The following BICC1 variants were observed in gnomAD, a reference collection of about 807,000 sequenced individuals.
BICC1 encodes the protein BicC family RNA binding protein 1, also known as protein bicaudal C homolog 1.
Under a neutral mutation model 111.0 loss-of-function variants are expected in BICC1, and 43 were observed. The ratio of observed to expected loss-of-function variants is 0.39; its 90% CI spans 0.30 to 0.50. The LOEUF is 0.50. Among genes scored for constraint, BICC1 ranks in the 20% least tolerant of loss-of-function variants. BICC1 has a pLI of 0.88. For missense variants in BICC1, 1,091 were observed against 1,203.2 expected (o/e 0.91, Z 1.38); for synonymous variants, 467 against 434.4 (o/e 1.07, Z -0.93).
intron 1 of BICC1, among the ~76,000 whole-genome samples, chr10:58,548,464 A>G (rs73300504): frequency 0.026 from 3,884 of 152,284 alleles, 176 homozygotes; most frequent in African/African-American, 0.089. Context: ...CACAGCCTGC[A>G]TTCCATCTTG....
chr10:58,687,994 G>C (rs1839793741), intron 2 of BICC1, among the ~76,000 whole-genome samples: 1 of 152,122 alleles, frequency 6.6e-6, no homozygotes, highest in Non-Finnish European at 1.5e-5. Flanking sequence ...CCTCCCCCGA[G>C]TGTTACAGCT....
In BICC1 at chr10:58,803,076, G is replaced by A. The variant is rs767676512; in HGVS notation, c.2016-1G>A. The A allele has an allele frequency of 4.4e-6, 7 of 1,589,792 alleles. No homozygotes were observed. In the Admixed American group the frequency reaches 1.1e-4, roughly 24 times the overall value. On this transcript the variant is annotated splice_acceptor_variant, in intron 14 of 20. Transcript: ENST00000373886. LOFTEE classifies it high-confidence loss of function. The stretch of plus-strand genomic sequence containing the variant: ...TTAAATTCCACACTCTTATTTCACA[G>A]CAGCACTGACAGGTTGCTCTCAGAC...
chr10:58,800,042 GT>G (rs1843489590), intron 12 of BICC1, 151 bp from the exon 13 acceptor site: 1 of 589,848 alleles, frequency 1.7e-6, no homozygotes, highest in Non-Finnish European at 3.0e-6. Context: ...GTGTTTTGTA[GT>G]TCTCCTTGTA....
chr10:58,757,045 A>G (rs1382867070), intron 3 of BICC1, among the ~76,000 whole-genome samples: 2 of 152,218 alleles, frequency 1.3e-5, no homozygotes, highest in African/African-American at 4.8e-5. Flanking sequence ...TACTCTAATA[A>G]CAAAGCCCTT....
At chr10:58,625,238 T>A (rs1025598646) in intron 2 of BICC1, among the ~76,000 whole-genome samples, 1 of 152,242 alleles carries the variant, frequency 6.6e-6, no homozygotes, top group Non-Finnish European at 1.5e-5. Context: ...GCTTACTCAC[T>A]GTCTGTCCTA....
chr10:58,735,271 G>A (rs1053775563), intron 3 of BICC1, among the ~76,000 whole-genome samples: 5 of 152,060 alleles, frequency 3.3e-5, no homozygotes, highest in Admixed American at 6.6e-5. Flanking sequence ...CACCATACTC[G>A]GGCTGTTTTT....
At chr10:58,667,956 A>C (rs1839068107) in intron 2 of BICC1, among the ~76,000 whole-genome samples, 1 of 152,136 alleles carries the variant, frequency 6.6e-6, no homozygotes, top group Non-Finnish European at 1.5e-5. Flanking sequence ...TGAAGTGTTC[A>C]TGGATACCAG....
intron 3 of BICC1, among the ~76,000 whole-genome samples, chr10:58,731,452 C>T (rs191000698): frequency 6.6e-6 from 1 of 152,344 alleles, no homozygotes; most frequent in Non-Finnish European, 1.5e-5. Context: ...GTTGCTTCCA[C>T]ATTTTCAGGT....
At chr10:58,575,500 A>C (rs951226773) in intron 1 of BICC1, among the ~76,000 whole-genome samples, 2 of 152,024 alleles carry the variant, frequency 1.3e-5, no homozygotes, top group Non-Finnish European at 2.9e-5. Flanking sequence ...TGATGCAGCC[A>C]GTTTTTATTT....
rs7091764 is a variant in BICC1 at position 58,542,157 on chromosome 10, A to G, written c.190+28824A>G. Among the ~76,000 whole-genome samples the G allele has an allele frequency of 6.9e-5, 10 of 145,642 alleles. No individual in the cohort carries two copies. The East Asian group carries it at 2.0e-3, about 28-fold the overall frequency. ...CAGAGCAAGACCCTGTCTCAAAAAA[A>G]AAAAAAAAACAAAAAAAAAAACCCA... On this transcript the variant is annotated intron_variant, in intron 1 of 20. Coordinates refer to ENST00000373886, the MANE Select transcript of BICC1 (RefSeq NM_001080512.3).
intron 8 of BICC1, 47 bp downstream of exon 8, chr10:58,789,980 A>AT: frequency 1.9e-6 from 3 of 1,593,074 alleles, no homozygotes; most frequent in Non-Finnish European, 2.6e-6. Context: ...ACCTCTTTGG[A>AT]TTCAGTGCAT....
chr10:58,790,287 A>G (rs1321687829), intron 8 of BICC1, among the ~76,000 whole-genome samples: 1 of 152,148 alleles, frequency 6.6e-6, no homozygotes, highest in Admixed American at 6.6e-5. Context: ...GGCAAAAAAA[A>G]AAAAAGTCCT....
intron 2 of BICC1, among the ~76,000 whole-genome samples, chr10:58,623,294 G>C (rs1055093602): frequency 1.1e-4 from 16 of 152,104 alleles, no homozygotes; most frequent in African/African-American, 3.9e-4. Context: ...TAAAGAGCTT[G>C]CATTTCAGTT....
At chr10:58,553,780 C>T (rs1252037671) in intron 1 of BICC1, among the ~76,000 whole-genome samples, 2 of 151,610 alleles carry the variant, frequency 1.3e-5, no homozygotes, top group Non-Finnish European at 2.9e-5. Flanking sequence ...TTTTAATGCT[C>T]ATTTTGTGTG....
chr10:58,806,064 A>ATCTC (rs1843699665), intron 15 of BICC1, among the ~76,000 whole-genome samples: 1 of 152,238 alleles, frequency 6.6e-6, no homozygotes, highest in Non-Finnish European at 1.5e-5. Context: ...TTTATCTCAC[A>ATCTC]TCTCACTTCA....
At chr10:58,542,187 T>C (rs1843008084) in intron 1 of BICC1, among the ~76,000 whole-genome samples, 1 of 131,432 alleles carries the variant, frequency 7.6e-6, no homozygotes, top group Admixed American at 7.9e-5. Flanking sequence ...AACCCAGACA[T>C]ACAGACTAGT....
intron 1 of BICC1, among the ~76,000 whole-genome samples, chr10:58,557,524 T>C (rs1205297607): frequency 1.3e-5 from 2 of 152,116 alleles, no homozygotes; most frequent in Non-Finnish European, 2.9e-5. Context: ...CCACAGCTTA[T>C]TGATGTTCTA....
chr10:58,761,528 C>T (rs1842315870), intron 3 of BICC1, among the ~76,000 whole-genome samples: 1 of 152,136 alleles, frequency 6.6e-6, no homozygotes, highest in Non-Finnish European at 1.5e-5. Context: ...TGTCCCCTTT[C>T]ATTTCTTTTG....
intron 2 of BICC1, among the ~76,000 whole-genome samples, chr10:58,694,127 CCTT>C (rs1031448392): frequency 6.6e-6 from 1 of 152,176 alleles, no homozygotes; most frequent in Non-Finnish European, 1.5e-5. Context: ...ACAATCATCT[CCTT>C]CTCCTGTTCT....
Sources: allele counts gnomAD v4.1 joint callset (sites outside exome capture counted in the v4.1 genomes callset), GRCh38; gene constraint gnomAD v4.1.1; transcripts MANE v1.5; gene names NCBI Gene and HGNC (gene_info 2026-07-23, HGNC 2026-07-21).